Variants in BLNK observed in about 807,000 individuals in gnomAD.
BLNK encodes B cell linker, also known as B-cell linker protein.
A neutral mutation model predicts 73.5 loss-of-function variants in BLNK; 29 were observed. The ratio of observed to expected loss-of-function variants is 0.39; its 90% CI spans 0.29 to 0.54. The LOEUF (loss-of-function observed/expected upper bound fraction) is 0.54. BLNK is among the 20% of genes least tolerant of loss of function. The probability of loss-of-function intolerance (pLI) is 0.61; values close to 1 mark genes in which losing one functional copy is unlikely to be tolerated. For synonymous variants in BLNK, 176 were observed against 200.8 expected (o/e 0.88, Z 1.04); for missense variants, 460 against 562.8 (o/e 0.82, Z 1.85).
chr10:96,243,108 T>G (rs1186413497), intron 2 of BLNK, among the ~76,000 whole-genome samples: 1 of 152,084 alleles, frequency 6.6e-6, no homozygotes, highest in Non-Finnish European at 1.5e-5. Context: ...TAAATGTTGA[T>G]TGGTTGGTAA....
At chr10:96,236,419 G>A (rs587691933) in intron 3 of BLNK, among the ~76,000 whole-genome samples, 2 of 152,186 alleles carry the variant, frequency 1.3e-5, no homozygotes, top group African/African-American at 4.8e-5. Context: ...TGGGTGGCCA[G>A]TCCCACCAGT....
At chr10:96,270,878 C>T (rs1554915543) in intron 1 of BLNK, among the ~76,000 whole-genome samples, 1 of 152,194 alleles carries the variant, frequency 6.6e-6, no homozygotes, top group Non-Finnish European at 1.5e-5. Flanking sequence ...CCCCCAAACA[C>T]ACTTGTCATA....
intron 5 of BLNK, among the ~76,000 whole-genome samples, chr10:96,226,837 A>G (rs975323860): frequency 1.3e-4 from 20 of 151,882 alleles, no homozygotes; most frequent in Non-Finnish European, 5.9e-5. Flanking sequence ...CTCTGTCGCA[A>G]AAAAACAAAA....
At chr10:96,251,981 C>G (rs1034694994) in intron 1 of BLNK, among the ~76,000 whole-genome samples, 2 of 152,112 alleles carry the variant, frequency 1.3e-5, no homozygotes, top group African/African-American at 4.8e-5. Context: ...ACTGGCTGGG[C>G]CTCACCCCTG....
intron 2 of BLNK, among the ~76,000 whole-genome samples, chr10:96,246,531 A>T (rs2134091687): frequency 6.6e-6 from 1 of 152,338 alleles, no homozygotes; most frequent in African/African-American, 2.4e-5. Flanking sequence ...CAGCCTGGGC[A>T]ACAAGAGCGA....
chr10:96,231,359 A>G (rs1554903972), intron 3 of BLNK, among the ~76,000 whole-genome samples: 1 of 152,090 alleles, frequency 6.6e-6, no homozygotes, highest in African/African-American at 2.4e-5. Flanking sequence ...AAATTATCCA[A>G]TGTCTTAGTA....
At chr10:96,264,827 A>T (rs1843919679) in intron 1 of BLNK, among the ~76,000 whole-genome samples, 1 of 152,192 alleles carries the variant, frequency 6.6e-6, no homozygotes, top group African/African-American at 2.4e-5. Context: ...ATAACCAAGA[A>T]GATTAAAGGA....
At chr10:96,226,659 G>A (rs1842275093) in intron 5 of BLNK, among the ~76,000 whole-genome samples, 1 of 152,076 alleles carries the variant, frequency 6.6e-6, no homozygotes, top group Admixed American at 6.5e-5. Context: ...TGGCCAACAT[G>A]AGGAAATCCT....
intron 9 of BLNK, 102 bp downstream of exon 9, chr10:96,209,736 G>A: frequency 7.1e-7 from 1 of 1,413,838 alleles, no homozygotes; most frequent in Non-Finnish European, 1.0e-6. Context: ...CCAAGTTGCA[G>A]CCTGCCATGG....
At position 96,227,507 on chromosome 10, in the gene BLNK, G is replaced by C. The variant is rs374291940; in HGVS notation, c.264C>G (p.Ala88=). 1.9e-6 allele frequency: 3 copies of C among 1,614,054 alleles called. No individual in the cohort carries two copies. The highest frequency in any genetic ancestry group is 2.5e-6 in the Non-Finnish European group (3 of 1,180,050). Residue 88 remains alanine (A), a synonymous_variant, in exon 5 of 17, where the codon GCC becomes GCG. Coordinates refer to ENST00000224337, the MANE Select transcript of BLNK (RefSeq NM_013314.4). ...HSDSEMYVMP[A]EENADDSYEP... is the part of the protein sequence containing the mutation. ...CGTAGCTGTCATCAGCGTTCTCCTC[G>C]GCGGGCATCACGTACATCTCTGAGT...
At chr10:96,253,990 CA>C (rs1554910127) in intron 1 of BLNK, among the ~76,000 whole-genome samples, 1 of 150,734 alleles carries the variant, frequency 6.6e-6, no homozygotes, top group Non-Finnish European at 1.5e-5. Context: ...CACTGCACTC[CA>C]GCCTGGGCGA....
chr10:96,213,459 A>C (rs2083993254), intron 8 of BLNK, among the ~76,000 whole-genome samples: 1 of 152,232 alleles, frequency 6.6e-6, no homozygotes, highest in African/African-American at 2.4e-5. Context: ...GGGCTACAGA[A>C]ACCAGAGGAG....
chr10:96,229,086 C>T (rs1842393229), intron 4 of BLNK, among the ~76,000 whole-genome samples: 1 of 152,064 alleles, frequency 6.6e-6, no homozygotes, highest in Non-Finnish European at 1.5e-5. Flanking sequence ...GTGTTATAAA[C>T]ATTCCAATTA....
chr10:96,242,221 C>T (rs1842903177), intron 3 of BLNK, among the ~76,000 whole-genome samples: 1 of 152,170 alleles, frequency 6.6e-6, no homozygotes, highest in Non-Finnish European at 1.5e-5. Context: ...CCAGGGTTTC[C>T]CCTTTCTCTT....
At chr10:96,266,017 G>A (rs1305355990) in intron 1 of BLNK, among the ~76,000 whole-genome samples, 1 of 152,216 alleles carries the variant, frequency 6.6e-6, no homozygotes, top group Non-Finnish European at 1.5e-5. Context: ...GGGGAAGGAT[G>A]TTTCTGTGGA....
intron 2 of BLNK, among the ~76,000 whole-genome samples, chr10:96,245,344 G>A (rs1391833662): frequency 1.3e-5 from 2 of 152,082 alleles, no homozygotes; most frequent in Admixed American, 6.5e-5. Flanking sequence ...TTTGGTAATA[G>A]CAATTAAAAC....
At chr10:96,239,949 C>T (rs1221565458) in intron 3 of BLNK, among the ~76,000 whole-genome samples, 6 of 152,104 alleles carry the variant, frequency 3.9e-5, no homozygotes, top group African/African-American at 1.4e-4. Context: ...AATCTGTGTC[C>T]AGCATCTCTG....
At chr10:96,253,768 C>G (rs1393497701) in intron 1 of BLNK, among the ~76,000 whole-genome samples, 1 of 151,952 alleles carries the variant, frequency 6.6e-6, no homozygotes, top group African/African-American at 2.4e-5. Context: ...GTAATCCCAG[C>G]ACTTTGGGAG....
intron 1 of BLNK, among the ~76,000 whole-genome samples, chr10:96,260,430 G>A (rs1390441766): frequency 6.6e-6 from 1 of 152,200 alleles, no homozygotes; most frequent in Non-Finnish European, 1.5e-5. Context: ...CGACTGAGAA[G>A]TAGTTCTAGT....
Sources: allele counts gnomAD v4.1 joint callset (sites outside exome capture counted in the v4.1 genomes callset), GRCh38; gene constraint gnomAD v4.1.1; transcripts MANE v1.5; gene names NCBI Gene and HGNC (gene_info 2026-07-23, HGNC 2026-07-21).